The following STRN variants were observed in gnomAD, a reference collection of about 807,000 sequenced individuals.
STRN encodes the protein protein phosphatase 2 regulatory subunit B'''alpha.
A neutral mutation model predicts 96.3 loss-of-function variants in STRN; 53 were observed. The observed-to-expected ratio is 0.55, with a 90% confidence interval of 0.44 to 0.69. STRN has a LOEUF of 0.69. Among genes scored for constraint, STRN ranks in the 30% least tolerant of loss-of-function variants. STRN has a pLI of 0.00. For synonymous variants in STRN, 428 were observed against 355.9 expected (o/e 1.20, Z -2.28); for missense variants, 987 against 963.9 (o/e 1.02, Z -0.32).
At chr2:36,865,508 C>T (rs552866801) in intron 12 of STRN, among the ~76,000 whole-genome samples, 1 of 152,140 alleles carries the variant, frequency 6.6e-6, no homozygotes, top group South Asian at 2.1e-4. Flanking sequence ...TTCTTGTCTT[C>T]TGCTAGCTTT....
At position 36,959,246 on chromosome 2, in the gene STRN, C is replaced by T. The variant is rs531983931; in HGVS notation, c.234+6984G>A. Among the ~76,000 whole-genome samples, 211 of 152,142 alleles carry T rather than the reference C, an allele frequency of 1.4e-3. 3 individuals carry two copies. Among genetic ancestry groups the T allele is most frequent in the South Asian group, 6.6e-3 (32 of 4,830 alleles). Reference sequence around the variant, plus strand: ...GTAAAACACAGTAAAATCTTTATGCCTGTTATCTAAAAAAAATAAATAAAT... The same window carrying T: ...GTAAAACACAGTAAAATCTTTATGCTTGTTATCTAAAAAAAATAAATAAAT... On this transcript the variant is annotated intron_variant, in intron 1 of 17. Coordinates refer to ENST00000263918, the MANE Select transcript of STRN (RefSeq NM_003162.4).
At chr2:36,912,530 C>T (rs892284150) in intron 3 of STRN, among the ~76,000 whole-genome samples, 7 of 152,172 alleles carry the variant, frequency 4.6e-5, no homozygotes, top group Non-Finnish European at 1.0e-4. Context: ...GGTTTTCCTC[C>T]TACTGTTAAT....
chr2:36,896,599 G>A (rs970739192), intron 6 of STRN, among the ~76,000 whole-genome samples: 7 of 152,166 alleles, frequency 4.6e-5, no homozygotes, highest in African/African-American at 1.4e-4. Flanking sequence ...TGCCTAAGTA[G>A]ATTAGAAAAA....
At chr2:36,894,297 T>C (rs1474188625) in intron 6 of STRN, among the ~76,000 whole-genome samples, 2 of 152,244 alleles carry the variant, frequency 1.3e-5, no homozygotes, top group Non-Finnish European at 2.9e-5. Flanking sequence ...TGTACTGAAA[T>C]GACAGATATA....
At chr2:36,948,693 T>A (rs751704931) in intron 1 of STRN, among the ~76,000 whole-genome samples, 1 of 152,186 alleles carries the variant, frequency 6.6e-6, no homozygotes, top group Admixed American at 6.6e-5. Flanking sequence ...TTAAATTGAC[T>A]GAACAGATTT....
chr2:36,954,538 G>C (rs1320144007), intron 1 of STRN, among the ~76,000 whole-genome samples: 1 of 143,796 alleles, frequency 7.0e-6, no homozygotes, highest in South Asian at 2.2e-4. Flanking sequence ...AAAAAAAAAA[G>C]AGCTCCAAAT....
At chr2:36,906,889 A>G (rs367964531) in intron 3 of STRN, among the ~76,000 whole-genome samples, 1 of 151,738 alleles carries the variant, frequency 6.6e-6, no homozygotes, top group East Asian at 1.9e-4. Flanking sequence ...GCGCCATTGC[A>G]CTCCAGCGTG....
chr2:36,966,236 C>T lies in STRN; in HGVS notation c.228G>A (p.Glu76=), dbSNP rs966223811. The change falls in exon 1 of 18, where the codon GAG becomes GAA. Residue 76 remains glutamate (E), a synonymous_variant. Coordinates refer to ENST00000263918, the MANE Select transcript of STRN (RefSeq NM_003162.4). ...ERAQWEVERA[E]LQAQIAFLQG... Reference sequence around the variant, plus strand: ...AGGCCGGGAGGGTCTTTACCTGCAGCTCCGCCCGCTCCACCTCCCACTGGG... The same window carrying T: ...AGGCCGGGAGGGTCTTTACCTGCAGTTCCGCCCGCTCCACCTCCCACTGGG... 3 of 1,567,930 alleles carry T rather than the reference C, an allele frequency of 1.9e-6. No homozygotes were observed. Among genetic ancestry groups the T allele is most frequent in the African/African-American group, 1.4e-5 (1 of 71,812 alleles).
At chr2:36,937,995 A>G (rs768247743) in intron 1 of STRN, among the ~76,000 whole-genome samples, 74 of 152,354 alleles carry the variant, frequency 4.9e-4, no homozygotes, top group Middle Eastern at 6.8e-3. Flanking sequence ...TCACATATCT[A>G]AAGGCCATGA....
intron 15 of STRN, among the ~76,000 whole-genome samples, chr2:36,851,386 G>C (rs1243834871): frequency 1.3e-5 from 2 of 152,052 alleles, no homozygotes; most frequent in African/African-American, 4.8e-5. Flanking sequence ...AGGAGGCTGA[G>C]GCAGGAAAAT....
chr2:36,895,091 G>T (rs1368546948), intron 6 of STRN, among the ~76,000 whole-genome samples: 2 of 152,166 alleles, frequency 1.3e-5, no homozygotes, highest in Admixed American at 1.3e-4. Flanking sequence ...ACTTTGGGAG[G>T]CCGAGGTGGG....
At chr2:36,889,792 G>A (rs1489780237) in intron 7 of STRN, among the ~76,000 whole-genome samples, 3 of 152,078 alleles carry the variant, frequency 2.0e-5, no homozygotes, top group African/African-American at 7.2e-5. Flanking sequence ...TACTGGTAAA[G>A]AAACCTCCAG....
chr2:36,897,411 T>A (rs1416715219), intron 6 of STRN, among the ~76,000 whole-genome samples: 1 of 150,218 alleles, frequency 6.7e-6, no homozygotes, highest in Non-Finnish European at 1.5e-5. Flanking sequence ...CTTAGAAATA[T>A]TTTTTTCCAA....
intron 1 of STRN, among the ~76,000 whole-genome samples, chr2:36,927,315 CTGTGCAA>C (rs369508587): frequency 0.03 from 4,544 of 152,040 alleles, 100 homozygotes; most frequent in East Asian, 0.12. Flanking sequence ...TGAGCCTAGC[CTGTGCAA>C]CATAGCGAGA....
intron 10 of STRN, among the ~76,000 whole-genome samples, chr2:36,870,699 T>A (rs542570783): frequency 6.6e-6 from 1 of 152,346 alleles, no homozygotes; most frequent in African/African-American, 2.4e-5. Context: ...ATAATGATGA[T>A]AAACTGCTGT....
rs1418101020 is a variant in STRN at position 36,838,663 on chromosome 2, ATATT to A, written c.*10789_*10792del. Among the ~76,000 whole-genome samples, 4 of 152,222 alleles carry A rather than the reference ATATT, an allele frequency of 2.6e-5. No homozygotes were observed. Among genetic ancestry groups the A allele is most frequent in the Non-Finnish European group, 4.4e-5 (3 of 68,038 alleles). On this transcript the variant is annotated 3_prime_UTR_variant, in exon 18 of 18. Transcript: ENST00000263918. Reference sequence around the variant, plus strand: ...GGCCACTTTGGGAAACAATCTGTCAATATTTATTTAAAAATTTAAATATACATAC... The same window carrying A: ...GGCCACTTTGGGAAACAATCTGTCAATATTTAAAAATTTAAATATACATAC...
chr2:36,892,715 C>A (rs1452187487), intron 7 of STRN, among the ~76,000 whole-genome samples: 1 of 152,062 alleles, frequency 6.6e-6, no homozygotes, highest in Non-Finnish European at 1.5e-5. Context: ...AATATAAAAC[C>A]TAACTTTAAA....
chr2:36,859,139 A>AT (rs1373078522), intron 13 of STRN, among the ~76,000 whole-genome samples: 1 of 152,192 alleles, frequency 6.6e-6, no homozygotes, highest in East Asian at 1.9e-4. Context: ...TTTCTACTAC[A>AT]TATTAAGGAA....
intron 1 of STRN, among the ~76,000 whole-genome samples, chr2:36,963,296 G>A (rs1033271037): frequency 3.9e-5 from 6 of 152,112 alleles, no homozygotes; most frequent in African/African-American, 1.2e-4. Flanking sequence ...TTCTTGAAGA[G>A]GCAAATTTGA....
Sources: allele counts gnomAD v4.1 joint callset (sites outside exome capture counted in the v4.1 genomes callset), GRCh38; gene constraint gnomAD v4.1.1; transcripts MANE v1.5; gene names NCBI Gene and HGNC (gene_info 2026-07-23, HGNC 2026-07-21).